Variants in LEPR observed in about 807,000 individuals in gnomAD.
LEPR encodes OB receptor.
In LEPR, 56 loss-of-function variants were observed where a neutral mutation model predicts 114.7. That is an observed-to-expected ratio of 0.49 (90% CI 0.39 to 0.61). LEPR has a LOEUF of 0.61. Ranked by LOEUF, LEPR falls within the 20% of genes least tolerant of loss-of-function variation. LEPR has a pLI of 0.00. For synonymous variants in LEPR, 443 were observed against 461.4 expected, an observed-to-expected ratio of 0.96 and a Z score of 0.51; for missense variants, 1,202 against 1,352.9, an observed-to-expected ratio of 0.89 and a Z score of 1.75.
At chr1:65,494,340 G>A (rs2100501763) in intron 2 of LEPR, among the ~76,000 whole-genome samples, 1 of 152,156 alleles carries the variant, frequency 6.6e-6, no homozygotes, top group Middle Eastern at 3.4e-3. Context: ...TAGCCTTACA[G>A]CATTAGGGGA....
chr1:65,505,705 GGGAGTAAT>G (rs1377834806), intron 2 of LEPR, among the ~76,000 whole-genome samples: 23 of 151,588 alleles, frequency 1.5e-4, no homozygotes, highest in African/African-American at 4.6e-4. Flanking sequence ...CAAACTAAGA[GGGAGTAAT>G]GGTTTCCTGC....
intron 2 of LEPR, among the ~76,000 whole-genome samples, chr1:65,536,335 A>C (rs1650775575): frequency 6.6e-6 from 1 of 152,062 alleles, no homozygotes. Context: ...CTATGAGTGG[A>C]AGCAACTCGA....
At chr1:65,621,639 G>C (rs1374562173) in intron 18 of LEPR, among the ~76,000 whole-genome samples, 181 bp downstream of exon 18, 1 of 152,176 alleles carries the variant, frequency 6.6e-6, no homozygotes, top group Non-Finnish European at 1.5e-5. Flanking sequence ...ATTCCATTTT[G>C]CTAGGACTGT....
chr1:65,553,288 T>C (rs559829713), intron 2 of LEPR, among the ~76,000 whole-genome samples: 39 of 152,362 alleles, frequency 2.6e-4, no homozygotes, highest in African/African-American at 9.1e-4. Context: ...GAAGTTCTCC[T>C]GGATAATATC....
intron 2 of LEPR, among the ~76,000 whole-genome samples, chr1:65,544,529 AG>A (rs1356559094): frequency 6.6e-6 from 1 of 151,976 alleles, no homozygotes; most frequent in Non-Finnish European, 1.5e-5. Flanking sequence ...CAGTTTTCAA[AG>A]GGAATGCTTC....
At position 65,420,676 on chromosome 1, in the gene LEPR, C is replaced by T. The variant is rs372078226; in HGVS notation, c.-161C>T. 8,686 of 1,562,418 alleles carry T rather than the reference C, an allele frequency of 5.6e-3. 26 individuals carry two copies. Among genetic ancestry groups the T allele is most frequent in the Non-Finnish European group, 6.7e-3 (7,719 of 1,154,972 alleles). On this transcript the variant is annotated 5_prime_UTR_variant, in exon 1 of 20. Transcript: ENST00000349533. ...CCCGGTCTGGCTTGGGCAGGCTGCCCGGGCCGTGGCAGGAAGCCGGAAGCA... is the reference window on the plus strand; with the variant it reads ...CCCGGTCTGGCTTGGGCAGGCTGCCTGGGCCGTGGCAGGAAGCCGGAAGCA...
chr1:65,461,482 A>G (rs768850411), intron 2 of LEPR, among the ~76,000 whole-genome samples: 1 of 152,242 alleles, frequency 6.6e-6, no homozygotes, highest in Non-Finnish European at 1.5e-5. Flanking sequence ...ATGGCTGAAG[A>G]CAGAAAAACT....
intron 19 of LEPR, among the ~76,000 whole-genome samples, chr1:65,627,631 G>A (rs1221643169): frequency 6.6e-6 from 1 of 151,978 alleles, no homozygotes; most frequent in Non-Finnish European, 1.5e-5. Flanking sequence ...AAATGAAATA[G>A]CAAATCCACA....
At chr1:65,597,541 A>G (rs562806971) in intron 7 of LEPR, among the ~76,000 whole-genome samples, 1 of 152,118 alleles carries the variant, frequency 6.6e-6, no homozygotes, top group East Asian at 1.9e-4. Context: ...GGTAATGTAG[A>G]TATCTGGGTA....
Position 65,639,531 on chromosome 1 carries a change from T to A in LEPR, c.*2516T>A, listed in dbSNP as rs1384843496. On this transcript the variant is annotated 3_prime_UTR_variant, in exon 20 of 20. Transcript: ENST00000349533. ...ATTTTCACATAATTTAGAAAAAATT[T>A]AGAATGTTTTATGCCTCAGAATGGT... is the stretch of plus-strand genomic sequence containing the variant. 2.6e-5 allele frequency: 4 copies of A among 152,188 alleles called. No homozygotes were observed. Among genetic ancestry groups the A allele is most frequent in the African/African-American group, 9.6e-5 (4 of 41,454 alleles). 9.4% of individuals were successfully genotyped at this position (152,188 alleles called of 1,614,324 possible).
At chr1:65,606,491 T>TTAC (rs947281730) in intron 11 of LEPR, among the ~76,000 whole-genome samples, 6 of 152,184 alleles carry the variant, frequency 3.9e-5, no homozygotes, top group African/African-American at 1.4e-4. Context: ...TCTCCACTTA[T>TTAC]TACTAGCCTT....
chr1:65,590,604 C>T (rs981110423), intron 5 of LEPR, among the ~76,000 whole-genome samples: 14 of 109,622 alleles, frequency 1.3e-4, no homozygotes, highest in Admixed American at 7.6e-4. Flanking sequence ...CATGTCCTTC[C>T]ACCATGATTC....
At chr1:65,470,262 C>A (rs1647067092) in intron 2 of LEPR, among the ~76,000 whole-genome samples, 2 of 152,184 alleles carry the variant, frequency 1.3e-5, no homozygotes, top group African/African-American at 4.8e-5. Flanking sequence ...ACCACCATCA[C>A]CAAGGAGATC....
At chr1:65,423,716 A>G (rs541521514) in intron 1 of LEPR, among the ~76,000 whole-genome samples, 1 of 152,216 alleles carries the variant, frequency 6.6e-6, no homozygotes, top group African/African-American at 2.4e-5. Flanking sequence ...CTTCCTATTA[A>G]AGAGTCTCTC....
intron 2 of LEPR, among the ~76,000 whole-genome samples, chr1:65,542,141 A>G (rs1440439412): frequency 1.3e-5 from 2 of 152,182 alleles, no homozygotes; most frequent in Admixed American, 1.3e-4. Context: ...CATATTATGC[A>G]AATTAAATTA....
chr1:65,488,200 CTT>C (rs1491442038), intron 2 of LEPR, among the ~76,000 whole-genome samples: 731 of 27,684 alleles, frequency 0.026, 30 homozygotes, highest in Admixed American at 0.037. Context: ...TTCTTTCTTT[CTT>C]TCTTTCTTTC....
intron 2 of LEPR, among the ~76,000 whole-genome samples, chr1:65,546,346 A>G (rs954046986): frequency 9.2e-5 from 14 of 152,208 alleles, no homozygotes; most frequent in Non-Finnish European, 1.8e-4. Flanking sequence ...TCTGTGAAGA[A>G]AGTCATTGGC....
At chr1:65,518,846 CTTT>C (rs1469179577) in intron 2 of LEPR, among the ~76,000 whole-genome samples, 1 of 135,078 alleles carries the variant, frequency 7.4e-6, no homozygotes, top group African/African-American at 3.1e-5. Flanking sequence ...TTTCTTTTTT[CTTT>C]TTCTCTTTTC....
intron 2 of LEPR, among the ~76,000 whole-genome samples, chr1:65,470,555 G>A (rs548436322): frequency 1.9e-4 from 29 of 152,230 alleles, no homozygotes; most frequent in African/African-American, 6.7e-4. Context: ...ATCCCTAGTG[G>A]GGCCCTTCCC....
Sources: gnomAD v4.1 joint callset for allele counts (sites outside exome capture counted in the v4.1 genomes callset) on GRCh38, gnomAD v4.1.1 for gene constraint, MANE v1.5 for transcripts, NCBI Gene and HGNC (gene_info 2026-07-23, HGNC 2026-07-21) for gene names.